The following RBBP5 variants were observed in gnomAD, a reference collection of about 807,000 sequenced individuals.
RBBP5 encodes retinoblastoma-binding protein 5.
A neutral mutation model predicts 72.2 loss-of-function variants in RBBP5; 5 were observed. The observed-to-expected ratio is 0.07, with a 90% CI of 0.04 to 0.15. The LOEUF is 0.15. Ranked by LOEUF, RBBP5 falls within the 10% of genes least tolerant of loss-of-function variation. The pLI is 1.00. For missense variants in RBBP5, 322 were observed against 652.2 expected (o/e 0.49, Z 5.51); for synonymous variants, 209 against 237.2 (o/e 0.88, Z 1.09).
At chr1:205,111,129 T>C (rs551304998) in intron 3 of RBBP5, among the ~76,000 whole-genome samples, 124 of 152,310 alleles carry the variant, frequency 8.1e-4, no homozygotes, top group African/African-American at 2.8e-3. Context: ...TTTTAAAATA[T>C]TAAAAATGTT....
chr1:205,116,957 C>G (rs1335052966), intron 1 of RBBP5, among the ~76,000 whole-genome samples: 1 of 152,226 alleles, frequency 6.6e-6, no homozygotes, highest in Non-Finnish European at 1.5e-5. Flanking sequence ...TAGGTTGCAA[C>G]AGCAAATAGC....
At chr1:205,090,686 A>G (rs1203561291) in intron 13 of RBBP5, among the ~76,000 whole-genome samples, 1 of 152,198 alleles carries the variant, frequency 6.6e-6, no homozygotes, top group East Asian at 1.9e-4. Flanking sequence ...TCAGCTCAAA[A>G]TGACCAGCTA....
rs763973394 is a variant in RBBP5, at chr1:205,105,162, G to A, written c.225C>T (p.Ser75=). The part of the protein sequence containing the change: ...HIHPVCSLCW[S]RDGHKLVSAS... ...CACTCACGAGTTTATGACCATCTCG[G>A]CTCCAGCTGAGGAAAAAAAAGGGGT... Residue 75 remains serine, a synonymous_variant, in exon 4 of 14, where the codon AGC becomes AGT. Transcript: ENST00000264515. 2.6e-5 allele frequency: 42 copies of A among 1,609,330 alleles called. No individual in the cohort carries two copies. The highest frequency in any genetic ancestry group is 3.2e-5 in the Non-Finnish European group (38 of 1,177,598).
At chr1:205,110,023 TTC>T (rs1441657829) in intron 3 of RBBP5, among the ~76,000 whole-genome samples, 1 of 151,792 alleles carries the variant, frequency 6.6e-6, no homozygotes, top group Non-Finnish European at 1.5e-5. Flanking sequence ...TACCTACTAG[TTC>T]TGTTTTGTTT....
chr1:205,094,966 A>T lies in RBBP5; in HGVS notation c.1495T>A (p.Phe499Ile), dbSNP rs1655555319. The T allele has an allele frequency of 6.2e-7, 1 of 1,613,988 alleles. No individual in the cohort carries two copies. The highest frequency in any genetic ancestry group is 1.3e-5 in the African/African-American group (1 of 74,904). Residue 499 changes from phenylalanine to isoleucine, a missense_variant, in exon 13 of 14, where the codon TTT (phenylalanine) becomes ATT (isoleucine). Coordinates refer to ENST00000264515, the MANE Select transcript of RBBP5 (RefSeq NM_005057.4). ...TCCCCTTTGTAGAGTTTCGGTTTAA[A>T]TGGAGAATCTTTCTCTTTACCTTTT... is the stretch of plus-strand genomic sequence containing the variant. Reference protein sequence around the residue: ...GSKGKEKDSPFKPKLYKGDRG... With the variant: ...GSKGKEKDSPIKPKLYKGDRG...
At position 205,103,848 on chromosome 1, in the gene RBBP5, T is replaced by C. The variant is rs781326484; in HGVS notation, c.522+9A>G. 5.0e-6 allele frequency: 8 copies of C among 1,607,398 alleles called. No individual in the cohort carries two copies. The East Asian group carries it at 1.6e-4, about 31-fold the overall frequency. ...ACAAGATGCCTGATTTGCCAGCTTT[T>C]AGGCTTACCTTGCCTTTTGCGTTTC... On this transcript the variant is annotated intron_variant, in intron 5 of 13. Coordinates refer to ENST00000264515, the MANE Select transcript of RBBP5 (RefSeq NM_005057.4).
At position 205,101,687 on chromosome 1, in the gene RBBP5, G is replaced by A. The variant is rs1370466253; in HGVS notation, c.545C>T (p.Ser182Phe). 1.2e-6 allele frequency: 2 copies of A among 1,613,154 alleles called. No individual in the cohort carries two copies. Among genetic ancestry groups the A allele is most frequent in the East Asian group, 2.2e-5 (1 of 44,842 alleles). The change falls in exon 6 of 14, where the codon TCT becomes TTT. Residue 182 changes from serine (S) to phenylalanine (F), a missense_variant. Physicochemically the swap from Ser to Phe is radical, Grantham distance 155 (BLOSUM62 -2). Coordinates refer to ENST00000264515, the MANE Select transcript of RBBP5 (RefSeq NM_005057.4). ...TCTGAAGGAAGCAACAAGATCCTGA[G>A]AATCTGTTTTTAGGACCAAAATCTA... is the stretch of plus-strand genomic sequence containing the variant. ...KGKILVLKTDSQDLVASFRVT... is the reference protein window; with the variant it reads ...KGKILVLKTDFQDLVASFRVT...
At chr1:205,117,744 A>G (rs1250933777) in intron 1 of RBBP5, among the ~76,000 whole-genome samples, 4 of 152,122 alleles carry the variant, frequency 2.6e-5, no homozygotes, top group Non-Finnish European at 4.4e-5. Flanking sequence ...AAGGTATAAA[A>G]GGATAACCCC....
At chr1:205,107,971 G>A (rs935671348) in intron 3 of RBBP5, among the ~76,000 whole-genome samples, 1 of 143,436 alleles carries the variant, frequency 7.0e-6, no homozygotes, top group Admixed American at 7.2e-5. Flanking sequence ...AAAGGCAGGC[G>A]CTGTGGCTCA....
At chr1:205,095,140 A>ACATTCTTTGCTC in intron 12 of RBBP5, 76 bp from the exon 13 acceptor site, 1 of 1,378,552 alleles carries the variant, frequency 7.3e-7, no homozygotes, top group Non-Finnish European at 1.0e-6. Context: ...TTGTTGAGCA[A>ACATTCTTTGCTC]AGAATGTTGC....
At chr1:205,107,087 T>C (rs113078828) in intron 3 of RBBP5, among the ~76,000 whole-genome samples, 134 of 149,962 alleles carry the variant, frequency 8.9e-4, no homozygotes, top group Middle Eastern at 6.8e-3. Flanking sequence ...TATATATATA[T>C]ACACACACAC....
At chr1:205,097,084 G>A (rs1173405146) in intron 11 of RBBP5, among the ~76,000 whole-genome samples, 173 bp from the exon 12 acceptor site, 1 of 152,166 alleles carries the variant, frequency 6.6e-6, no homozygotes, top group Non-Finnish European at 1.5e-5. Flanking sequence ...TAAAATTGGT[G>A]ATAAAAATAA....
At chr1:205,109,467 T>C (rs1476295983) in intron 3 of RBBP5, among the ~76,000 whole-genome samples, 2 of 152,212 alleles carry the variant, frequency 1.3e-5, no homozygotes, top group African/African-American at 4.8e-5. Context: ...GGAACAGGTT[T>C]CGTTGCTATT....
chr1:205,120,997 T>C (rs2102344123), intron 1 of RBBP5, among the ~76,000 whole-genome samples: 1 of 152,326 alleles, frequency 6.6e-6, no homozygotes, highest in African/African-American at 2.4e-5. Flanking sequence ...AATGAAAAGC[T>C]CTTTAAGGGC....
chr1:205,096,726 T>A lies in RBBP5; in HGVS notation c.1352A>T (p.Lys451Ile), dbSNP rs779063148. ...AAGTTCTATATTGGTTGTTTTGGGTTTCTTCTTAGGTGGCTGGGACCCATC... is the reference window on the plus strand; with the variant it reads ...AAGTTCTATATTGGTTGTTTTGGGTATCTTCTTAGGTGGCTGGGACCCATC... ...SADGSQPPKK[K>I]PKTTNIELQG... is the part of the protein sequence containing the mutation. Residue 451 changes from lysine to isoleucine, a missense_variant, in exon 12 of 14, where the codon AAA becomes ATA. Lys to Ile is a moderately radical substitution (Grantham distance 102, BLOSUM62 -3). This residue lies in a region of RBBP5 where 109 missense variants were observed against 146.3 expected (regional missense o/e 0.75). Transcript: ENST00000264515. 6.2e-7 allele frequency: 1 copy of A among 1,614,178 alleles called. No individual in the cohort carries two copies. The highest frequency in any genetic ancestry group is 1.1e-5 in the South Asian group (1 of 91,074).
chr1:205,120,135 T>A (rs1656679677), intron 1 of RBBP5, among the ~76,000 whole-genome samples: 1 of 152,104 alleles, frequency 6.6e-6, no homozygotes, highest in South Asian at 2.1e-4. Context: ...CATCCCTACC[T>A]CCTCAATGTC....
intron 1 of RBBP5, among the ~76,000 whole-genome samples, chr1:205,118,625 GAAAAA>G (rs1302119911): frequency 1.3e-5 from 2 of 149,732 alleles, no homozygotes; most frequent in African/African-American, 4.9e-5. Flanking sequence ...TCCCTCTAAA[GAAAAA>G]AGAAAAGAAA....
rs1655745074 is a variant in RBBP5 at position 205,099,620 on chromosome 1, T to G, written c.978+121A>C. The stretch of plus-strand genomic sequence containing the variant: ...CTAGATGCACTGAACCTATGTAATT[T>G]AGGTTGCGAGAATCATATGCAAAAG... On this transcript the variant is annotated intron_variant, in intron 9 of 13. Coordinates refer to ENST00000264515, the MANE Select transcript of RBBP5 (RefSeq NM_005057.4). This position sits in a 1 kb window ranked among gnomAD's most constrained non-coding sequence, Gnocchi z 4.7. 9.3e-7 allele frequency: 1 copy of G among 1,074,226 alleles called. No homozygotes were observed. Among genetic ancestry groups the G allele is most frequent in the Non-Finnish European group, 1.3e-6 (1 of 741,874 alleles). 66.5% of individuals were successfully genotyped at this position (1,074,226 alleles called of 1,614,324 possible).
intron 1 of RBBP5, among the ~76,000 whole-genome samples, chr1:205,116,874 C>T (rs2102332839): frequency 6.6e-6 from 1 of 152,306 alleles, no homozygotes; most frequent in African/African-American, 2.4e-5. Flanking sequence ...CAAATTATCA[C>T]AATTACTCTT....
Sources: allele counts gnomAD v4.1 joint callset (sites outside exome capture counted in the v4.1 genomes callset), GRCh38; gene constraint gnomAD v4.1.1; regional missense constraint gnomAD v4.1.1; non-coding constraint Gnocchi (gnomAD v3.1); transcripts MANE v1.5; gene names NCBI Gene and HGNC (gene_info 2026-07-23, HGNC 2026-07-21).